The following IL1RAP variants were observed in gnomAD, a reference collection of about 807,000 sequenced individuals.
IL1RAP encodes the protein interleukin-1 receptor accessory protein.
A neutral mutation model predicts 60.7 loss-of-function variants in IL1RAP; 35 were observed. That is an observed-to-expected ratio of 0.58 (90% CI 0.44 to 0.76). The LOEUF (loss-of-function observed/expected upper bound fraction) is 0.76. IL1RAP is among the 30% of genes least tolerant of loss of function. The probability of loss-of-function intolerance (pLI) is 0.00; values close to 1 mark genes in which losing one functional copy is unlikely to be tolerated. For missense variants in IL1RAP, 572 were observed against 693.9 expected, an observed-to-expected ratio of 0.82 and a Z score of 1.97; for synonymous variants, 268 against 250.9, an observed-to-expected ratio of 1.07 and a Z score of -0.64.
At chr3:190,592,429 C>T (rs1262689695) in intron 3 of IL1RAP, among the ~76,000 whole-genome samples, 1 of 152,218 alleles carries the variant, frequency 6.6e-6, no homozygotes, top group Non-Finnish European at 1.5e-5. Flanking sequence ...GGGACATAAA[C>T]ACATGATAAT....
chr3:190,592,893 C>T (rs189444014), intron 3 of IL1RAP, among the ~76,000 whole-genome samples: 2 of 152,082 alleles, frequency 1.3e-5, no homozygotes, highest in Admixed American at 6.6e-5. Flanking sequence ...TTTGTCCATA[C>T]TTTTTATTTT....
intron 5 of IL1RAP, among the ~76,000 whole-genome samples, chr3:190,619,375 A>G (rs1731560760): frequency 6.6e-6 from 1 of 152,184 alleles, no homozygotes. Flanking sequence ...ACATTCCTAG[A>G]TCTTGATCAG....
intron 3 of IL1RAP, among the ~76,000 whole-genome samples, chr3:190,595,797 A>G (rs888093437): frequency 2.6e-5 from 4 of 152,220 alleles, no homozygotes; most frequent in Admixed American, 2.0e-4. Flanking sequence ...ATGTAGCACA[A>G]TATAATATAA....
At chr3:190,620,177 G>A (rs1030890143) in intron 5 of IL1RAP, 98 bp from the exon 6 acceptor site, 18 of 591,824 alleles carry the variant, frequency 3.0e-5, no homozygotes, top group South Asian at 7.7e-5. Context: ...TGAATATTTC[G>A]GTGTTCTGTG....
At chr3:190,603,197 G>T (rs1451137357) in intron 3 of IL1RAP, among the ~76,000 whole-genome samples, 3 of 152,184 alleles carry the variant, frequency 2.0e-5, no homozygotes, top group Non-Finnish European at 2.9e-5. Context: ...AGGGGAAAGA[G>T]AAAACTAGGG....
intron 1 of IL1RAP, among the ~76,000 whole-genome samples, chr3:190,540,943 C>T (rs934588913): frequency 6.6e-6 from 1 of 152,088 alleles, no homozygotes; most frequent in African/African-American, 2.4e-5. Flanking sequence ...TTGACAGCAC[C>T]ATTTGTCACA....
At chr3:190,655,892 C>T, downstream of IL1RAP, 1 of 1,534,032 alleles carries the variant, frequency 6.5e-7, no homozygotes. Context: ...CCTATAGATA[C>T]AGTGGAAGCA....
chr3:190,604,475 T>C (rs1730125190), intron 4 of IL1RAP, 62 bp downstream of exon 4: 2 of 1,527,306 alleles, frequency 1.3e-6, no homozygotes, highest in Non-Finnish European at 1.8e-6. Context: ...CTTTTCCGGA[T>C]GATCCGTGTG....
intron 11 of IL1RAP, among the ~76,000 whole-genome samples, chr3:190,646,969 T>C (rs2108861725): frequency 6.6e-6 from 1 of 152,334 alleles, no homozygotes; most frequent in Middle Eastern, 3.4e-3. Context: ...TATTCACCCA[T>C]TTATTTGTTC....
chr3:190,621,110 A>T (rs547680177), intron 6 of IL1RAP, among the ~76,000 whole-genome samples: 219 of 152,306 alleles, frequency 1.4e-3, no homozygotes, highest in African/African-American at 4.7e-3. Context: ...ACCCCTAAAT[A>T]CCACTGTGTC....
intron 2 of IL1RAP, among the ~76,000 whole-genome samples, chr3:190,559,758 A>T (rs1226212729): frequency 6.6e-6 from 1 of 152,144 alleles, no homozygotes; most frequent in East Asian, 1.9e-4. Flanking sequence ...ATTCTTTTAA[A>T]TTTGTTAAAA....
chr3:190,532,658 T>C (rs575414271), intron 1 of IL1RAP, among the ~76,000 whole-genome samples: 6 of 152,332 alleles, frequency 3.9e-5, no homozygotes, highest in Non-Finnish European at 7.3e-5. Flanking sequence ...CAGGTCTATA[T>C]GGCTGTAAAG....
chr3:190,589,666 A>G (rs1275222802), intron 3 of IL1RAP, among the ~76,000 whole-genome samples: 1 of 152,170 alleles, frequency 6.6e-6, no homozygotes, highest in Non-Finnish European at 1.5e-5. Context: ...TTTGCGTGGA[A>G]TATTGGCTGC....
At chr3:190,522,286 T>TTTGCTTGC (rs752407331) in intron 1 of IL1RAP, among the ~76,000 whole-genome samples, 1 of 131,004 alleles carries the variant, frequency 7.6e-6, no homozygotes, top group Non-Finnish European at 1.7e-5. Flanking sequence ...CCTGCCTTCC[T>TTTGCTTGC]TTGCTTCCTT....
intron 1 of IL1RAP, among the ~76,000 whole-genome samples, chr3:190,524,621 C>A (rs1722354114): frequency 6.6e-6 from 1 of 152,010 alleles, no homozygotes; most frequent in Non-Finnish European, 1.5e-5. Flanking sequence ...TATTTCACCT[C>A]CAGTAGATTA....
chr3:190,644,121 C>A, intron 9 of IL1RAP, 127 bp from the exon 10 acceptor site: 1 of 1,439,204 alleles, frequency 6.9e-7, no homozygotes, highest in Non-Finnish European at 9.1e-7. Context: ...ACAATGTTAT[C>A]TCTGATTGTT....
At chr3:190,581,017 AG>A (rs1211748531) in intron 3 of IL1RAP, among the ~76,000 whole-genome samples, 2 of 152,326 alleles carry the variant, frequency 1.3e-5, no homozygotes, top group African/African-American at 4.8e-5. Context: ...AAACAGCAGA[AG>A]AGGTCATTGT....
At chr3:190,534,796 C>T (rs745384363) in intron 1 of IL1RAP, among the ~76,000 whole-genome samples, 1 of 151,984 alleles carries the variant, frequency 6.6e-6, no homozygotes, top group Admixed American at 6.6e-5. Flanking sequence ...ATGAAAGTCA[C>T]CTCTCCTCCC....
At chr3:190,567,114 C>T (rs1726479329) in intron 3 of IL1RAP, among the ~76,000 whole-genome samples, 1 of 152,180 alleles carries the variant, frequency 6.6e-6, no homozygotes, top group Non-Finnish European at 1.5e-5. Context: ...GAACTTAGCG[C>T]CATGCAATGT....
Sources: gnomAD v4.1 joint callset for allele counts (sites outside exome capture counted in the v4.1 genomes callset) on GRCh38, gnomAD v4.1.1 for gene constraint, MANE v1.5 for transcripts, NCBI Gene and HGNC (gene_info 2026-07-23, HGNC 2026-07-21) for gene names.